The following NTNG1 variants were observed in gnomAD, a reference collection of about 807,000 sequenced individuals.
NTNG1 encodes netrin-G1.
A neutral mutation model predicts 54.0 loss-of-function variants in NTNG1; 16 were observed. The observed-to-expected ratio is 0.30, with a 90% CI of 0.20 to 0.45. The LOEUF is 0.45. Among genes scored for constraint, NTNG1 ranks in the 20% least tolerant of loss-of-function variants. NTNG1 has a pLI of 1.00. For missense variants in NTNG1, 530 were observed against 678.7 expected, an observed-to-expected ratio of 0.78 and a Z score of 2.43; for synonymous variants, 255 against 263.1, an observed-to-expected ratio of 0.97 and a Z score of 0.30.
chr1:107,165,497 C>T (rs1299114606), intron 2 of NTNG1, among the ~76,000 whole-genome samples: 1 of 152,130 alleles, frequency 6.6e-6, no homozygotes, highest in Admixed American at 6.5e-5. Context: ...GTAGGTAATT[C>T]TCCTTAACAA....
At chr1:107,447,012 A>G (rs1676346162) in intron 7 of NTNG1, among the ~76,000 whole-genome samples, 1 of 152,108 alleles carries the variant, frequency 6.6e-6, no homozygotes, top group African/African-American at 2.4e-5. Flanking sequence ...AATTGCTAAG[A>G]TATATTTTTA....
chr1:107,426,510 C>T (rs1466128764), intron 5 of NTNG1, among the ~76,000 whole-genome samples: 1 of 152,124 alleles, frequency 6.6e-6, no homozygotes, highest in Non-Finnish European at 1.5e-5. Context: ...ATTCTCTATT[C>T]TCTTCCATTG....
chr1:107,365,223 A>G (rs1670523016), intron 3 of NTNG1, among the ~76,000 whole-genome samples: 2 of 152,154 alleles, frequency 1.3e-5, no homozygotes, highest in Admixed American at 1.3e-4. Context: ...TCTTTCCTAG[A>G]AGACTTCATT....
chr1:107,214,282 C>A (rs1037029073), intron 2 of NTNG1, among the ~76,000 whole-genome samples: 2 of 152,126 alleles, frequency 1.3e-5, no homozygotes, highest in Non-Finnish European at 2.9e-5. Context: ...CCCATACTTT[C>A]CCCCGAGTCC....
chr1:107,195,051 T>C (rs931485467), intron 2 of NTNG1, among the ~76,000 whole-genome samples: 2 of 151,994 alleles, frequency 1.3e-5, no homozygotes, highest in Admixed American at 1.3e-4. Context: ...TTAAAGAAAA[T>C]TTAAATTGTT....
chr1:107,428,848 G>A (rs963910547), intron 5 of NTNG1, among the ~76,000 whole-genome samples: 5 of 152,100 alleles, frequency 3.3e-5, no homozygotes, highest in African/African-American at 1.2e-4. Flanking sequence ...GGAAATGCTT[G>A]TTGTTTTACA....
At chr1:107,334,916 T>G (rs1470393557) in intron 3 of NTNG1, among the ~76,000 whole-genome samples, 4 of 151,964 alleles carry the variant, frequency 2.6e-5, no homozygotes, top group Non-Finnish European at 4.4e-5. Context: ...CTCTAAATAT[T>G]CCCCACACAA....
chr1:107,358,616 A>T (rs1349339086), intron 3 of NTNG1, among the ~76,000 whole-genome samples: 1 of 152,106 alleles, frequency 6.6e-6, no homozygotes, highest in East Asian at 1.9e-4. Context: ...CTGTTTTGAA[A>T]GTAAGGAATT....
chr1:107,224,175 G>A (rs1343261572), intron 2 of NTNG1, among the ~76,000 whole-genome samples: 1 of 151,744 alleles, frequency 6.6e-6, no homozygotes, highest in Non-Finnish European at 1.5e-5. Flanking sequence ...GAGGATGAAT[G>A]GATCATTGCC....
chr1:107,195,312 A>G (rs1658242456), intron 2 of NTNG1, among the ~76,000 whole-genome samples: 1 of 151,838 alleles, frequency 6.6e-6, no homozygotes, highest in Non-Finnish European at 1.5e-5. Context: ...AATTTTTTTC[A>G]CCTGCATGCT....
intron 7 of NTNG1, among the ~76,000 whole-genome samples, chr1:107,455,021 A>C (rs1347953998): frequency 6.6e-6 from 1 of 152,074 alleles, no homozygotes; most frequent in African/African-American, 2.4e-5. Flanking sequence ...AGAGGCAAGA[A>C]TGAGGAAGAC....
At chr1:107,478,900 G>T (rs971849330) in intron 7 of NTNG1, among the ~76,000 whole-genome samples, 1 of 152,240 alleles carries the variant, frequency 6.6e-6, no homozygotes, top group Non-Finnish European at 1.5e-5. Context: ...TGTGGACTTT[G>T]CTTCACAGCT....
At chr1:107,448,445 G>A (rs1325633028) in intron 7 of NTNG1, among the ~76,000 whole-genome samples, 1 of 152,050 alleles carries the variant, frequency 6.6e-6, no homozygotes, top group East Asian at 1.9e-4. Context: ...ACTTAAAAGT[G>A]TGATCCCTCA....
At chr1:107,321,900 CT>C (rs1667680971) in intron 2 of NTNG1, among the ~76,000 whole-genome samples, 1 of 152,070 alleles carries the variant, frequency 6.6e-6, no homozygotes, top group African/African-American at 2.4e-5. Context: ...ATCACTGCCT[CT>C]TACTGACTTT....
At chr1:107,412,396 A>G (rs1477858731) in intron 5 of NTNG1, among the ~76,000 whole-genome samples, 3 of 152,186 alleles carry the variant, frequency 2.0e-5, no homozygotes, top group African/African-American at 7.2e-5. Flanking sequence ...TGTTTTACAA[A>G]TGGTGAATCT....
intron 7 of NTNG1, among the ~76,000 whole-genome samples, chr1:107,457,926 A>C (rs181215844): frequency 6.6e-6 from 1 of 152,122 alleles, no homozygotes; most frequent in Non-Finnish European, 1.5e-5. Flanking sequence ...CAGCTTCCTT[A>C]GTTAGAGATA....
intron 7 of NTNG1, among the ~76,000 whole-genome samples, chr1:107,466,658 T>A (rs1677628013): frequency 6.6e-6 from 1 of 152,226 alleles, no homozygotes; most frequent in Admixed American, 6.5e-5. Flanking sequence ...TGTCTTAGTC[T>A]GCTTCAAAGA....
At chr1:107,185,742 G>C (rs1657409553) in intron 2 of NTNG1, among the ~76,000 whole-genome samples, 1 of 152,094 alleles carries the variant, frequency 6.6e-6, no homozygotes, top group Non-Finnish European at 1.5e-5. Flanking sequence ...TTAAAGGGAG[G>C]AGACTTCCAG....
At chr1:107,307,418 G>A (rs560330999) in intron 2 of NTNG1, among the ~76,000 whole-genome samples, 1 of 152,248 alleles carries the variant, frequency 6.6e-6, no homozygotes, top group East Asian at 1.9e-4. Flanking sequence ...TTTCTGACTT[G>A]TATTGAGACC....
Sources: gnomAD v4.1 joint callset for allele counts (sites outside exome capture counted in the v4.1 genomes callset) on GRCh38, gnomAD v4.1.1 for gene constraint, MANE v1.5 for transcripts, NCBI Gene and HGNC (gene_info 2026-07-23, HGNC 2026-07-21) for gene names.